The following SPTB variants were observed in gnomAD, a reference collection of about 807,000 sequenced individuals.
SPTB encodes spectrin beta chain, erythrocytic.
Under a neutral mutation model 256.2 loss-of-function variants are expected in SPTB, and 45 were observed. The observed-to-expected ratio is 0.18, with a 90% CI of 0.14 to 0.23. SPTB has a LOEUF of 0.23. SPTB is among the 10% of genes least tolerant of loss of function. The pLI is 1.00. For synonymous variants in SPTB, 1,231 were observed against 1,243.1 expected, an observed-to-expected ratio of 0.99 and a Z score of 0.21; for missense variants, 2,715 against 3,040.4, an observed-to-expected ratio of 0.89 and a Z score of 2.52.
rs971692339 is a variant in SPTB at position 64,847,592 on chromosome 14, C to T, written c.-51-24447G>A. Among the ~76,000 whole-genome samples the T allele has an allele frequency of 6.6e-6, 1 of 152,172 alleles. No individual in the cohort carries two copies. On this transcript the variant is annotated intron_variant, in intron 1 of 35. Transcript: ENST00000644917. This position sits in a 1 kb window ranked among gnomAD's most constrained non-coding sequence, Gnocchi z 5.9. ...CCAGGGCCTGGGAGCAACCACCACA[C>T]TCCTAAGCCAGAACAGTGAGCAGGA...
intron 6 of SPTB, 124 bp downstream of exon 6, chr14:64,801,630 G>T: frequency 9.3e-7 from 1 of 1,079,116 alleles, no homozygotes; most frequent in Non-Finnish European, 1.4e-6. Flanking sequence ...ATGGGCTGCT[G>T]AAGGGGAGAG....
At chr14:64,804,614 G>A (rs1411828264) in intron 3 of SPTB, among the ~76,000 whole-genome samples, 1 of 152,202 alleles carries the variant, frequency 6.6e-6, no homozygotes, top group Non-Finnish European at 1.5e-5. Context: ...GGTTCCAAGA[G>A]GGATGCATCT....
chr14:64,762,794 G>T (rs1487101827), intron 32 of SPTB, among the ~76,000 whole-genome samples: 3 of 152,248 alleles, frequency 2.0e-5, no homozygotes, highest in Non-Finnish European at 4.4e-5. Flanking sequence ...CCCAGCAGCT[G>T]CTTTCTGGAG....
In SPTB at chr14:64,847,866, C is replaced by T. The variant is rs893244493; in HGVS notation, c.-51-24721G>A. On this transcript the variant is annotated intron_variant, in intron 1 of 35. Coordinates refer to ENST00000644917, the MANE Select transcript of SPTB (RefSeq NM_001355436.2). This position sits in a 1 kb window ranked among gnomAD's most constrained non-coding sequence, Gnocchi z 5.9. ...TGTGCCCCCCACCGCAAACCCCATC[C>T]GGAGTGAGACAAAGGGAGGCACTCC... Among the ~76,000 whole-genome samples, 4 of 152,168 alleles carry T rather than the reference C, an allele frequency of 2.6e-5. No homozygotes were observed. Among genetic ancestry groups the T allele is most frequent in the African/African-American group, 7.2e-5 (3 of 41,438 alleles).
chr14:64,831,710 T>C (rs966386185), intron 1 of SPTB, among the ~76,000 whole-genome samples: 8 of 152,332 alleles, frequency 5.3e-5, no homozygotes, highest in East Asian at 1.9e-4. Context: ...GAGGCATTGA[T>C]TGTGGTGGCG....
chr14:64,785,428 CCCA>C lies in SPTB; in HGVS notation c.3855+106_3855+108del, dbSNP rs1447172347. 6.1e-6 allele frequency: 6 copies of C among 984,904 alleles called. No individual in the cohort carries two copies. In the East Asian group the frequency reaches 1.6e-4, roughly 26 times the overall value. 61.0% of individuals were successfully genotyped at this position (984,904 alleles called of 1,614,324 possible). On this transcript the variant is annotated intron_variant, in intron 18 of 35. Coordinates refer to ENST00000644917, the MANE Select transcript of SPTB (RefSeq NM_001355436.2). This position sits in a 1 kb window ranked among gnomAD's most constrained non-coding sequence, Gnocchi z 4.4. ...ACCCAGAGGTCCCCGCTCATGGAAT[CCCA>C]CAGCTCTTGAGCTAGAAAGGATCCC...
chr14:64,830,881 A>G (rs982287707), intron 1 of SPTB, among the ~76,000 whole-genome samples: 5 of 152,166 alleles, frequency 3.3e-5, no homozygotes, highest in African/African-American at 9.7e-5. Flanking sequence ...ATGTGCCTTG[A>G]CAACTTTATT....
At position 64,793,677 on chromosome 14, in the gene SPTB, GGAA is replaced by G. The variant is rs1423045762; in HGVS notation, c.1983_1985del (p.Ser662del). 3 of 1,614,018 alleles carry G rather than the reference GGAA, an allele frequency of 1.9e-6. No homozygotes were observed. The highest frequency in any genetic ancestry group is 2.7e-5 in the African/African-American group (2 of 74,914). On this transcript the variant is annotated inframe_deletion, in exon 14 of 36. Coordinates refer to ENST00000644917, the MANE Select transcript of SPTB (RefSeq NM_001355436.2). This position sits in a 1 kb window ranked among gnomAD's most constrained non-coding sequence, Gnocchi z 7.0. ...TGGTCAGGTCTTTGCCATAGTCCAGGGAAGAATAGATCTGCTCCTTCTCCTTGA... is the reference window on the plus strand; with the variant it reads ...TGGTCAGGTCTTTGCCATAGTCCAGGGAATAGATCTGCTCCTTCTCCTTGA...
intron 1 of SPTB, among the ~76,000 whole-genome samples, chr14:64,831,682 T>C (rs1206862919): frequency 6.6e-6 from 1 of 152,136 alleles, no homozygotes; most frequent in Non-Finnish European, 1.5e-5. Flanking sequence ...GAAGGGGACA[T>C]ATGCAAGAAT....
chr14:64,785,715 C>G lies in SPTB; in HGVS notation c.3764+34G>C. 1 of 1,613,740 alleles carries G rather than the reference C, an allele frequency of 6.2e-7. No homozygotes were observed. Among genetic ancestry groups the G allele is most frequent in the South Asian group, 1.1e-5 (1 of 91,072 alleles). On this transcript the variant is annotated intron_variant, in intron 17 of 35. Transcript: ENST00000644917. This position sits in a 1 kb window ranked among gnomAD's most constrained non-coding sequence, Gnocchi z 4.4. ...GGGTCCTCACTACCCCCGTGTGGCT[C>G]TGGGGGCCTCGTGGCCCTGGGGCCC...
At position 64,747,071 on chromosome 14, in the gene SPTB, G is replaced by T. The variant is rs45628133; in HGVS notation, c.*2235C>A. Reference sequence around the variant, plus strand: ...ACAGAATGGTCACATGCAGCTGGCTGCCCTGGACCAGGCCAGGGGACCTGG... The same window carrying T: ...ACAGAATGGTCACATGCAGCTGGCTTCCCTGGACCAGGCCAGGGGACCTGG... On this transcript the variant is annotated 3_prime_UTR_variant, in exon 36 of 36. Coordinates refer to ENST00000644917, the MANE Select transcript of SPTB (RefSeq NM_001355436.2). 13,589 of 152,668 alleles carry T rather than the reference G, an allele frequency of 0.089. 661 individuals carry two copies. The highest frequency in any genetic ancestry group is 0.19 in the East Asian group (1,001 of 5,156). The allele number at this position is 152,668 out of a possible 1,614,324, so 9.5% of individuals were successfully genotyped here.
In SPTB at chr14:64,823,479, G is replaced by A. The variant is rs570269404; in HGVS notation, c.-51-334C>T. On this transcript the variant is annotated intron_variant, in intron 1 of 35. Transcript: ENST00000644917. The surrounding 1 kb of genome is among the most constrained non-coding windows in gnomAD (Gnocchi z 6.5). ...CGGGGAGCACCCCGGGAGAGAGGAA[G>A]CTCTCCTGGGAGCCAGAGGCAGCAG... 6.6e-6 allele frequency among the ~76,000 whole-genome samples: 1 copy of A among 152,300 alleles called. No individual in the cohort carries two copies. The highest frequency in any genetic ancestry group is 1.5e-5 in the Non-Finnish European group (1 of 68,036).
In SPTB at chr14:64,748,023, G is replaced by C. The variant is rs894404370; in HGVS notation, c.*1283C>G. On this transcript the variant is annotated 3_prime_UTR_variant, in exon 36 of 36. Transcript: ENST00000644917. ...CAGGGCTGGAGGGTGGTAGATATTT[G>C]ACCTCTGTACTCATGTGACCCCCTC... 1 of 152,120 alleles carries C rather than the reference G, an allele frequency of 6.6e-6. No homozygotes were observed. The highest frequency in any genetic ancestry group is 2.4e-5 in the African/African-American group (1 of 41,370). 9.4% of individuals were successfully genotyped at this position (152,120 alleles called of 1,614,324 possible). A position where few individuals can be genotyped will look rare whatever the true frequency, so the allele number is the denominator to read the frequency against.
At position 64,765,025 on chromosome 14, in the gene SPTB, C is replaced by CGTGTGTGTGTGTGTGTGTGTGT. The variant is rs565885364; in HGVS notation, c.6345+1700_6345+1701insACACACACACACACACACACAC. 3.1e-3 allele frequency among the ~76,000 whole-genome samples: 368 copies of CGTGTGTGTGTGTGTGTGTGTGT among 118,310 alleles called. 1 individual carries two copies. Among genetic ancestry groups the CGTGTGTGTGTGTGTGTGTGTGT allele is most frequent in the Admixed American group, 4.3e-3 (44 of 10,144 alleles). 77.6% of individuals were successfully genotyped at this position (118,310 alleles called of 152,430 possible). On this transcript the variant is annotated intron_variant, in intron 32 of 35. Transcript: ENST00000644917. The stretch of plus-strand genomic sequence containing the variant: ...GCTGGAGGCCACAGAGGAGTGTGTG[C>CGTGTGTGTGTGTGTGTGTGTGT]GTGTGTGTGTGTGTGTGCGCGCGCG...
intron 1 of SPTB, among the ~76,000 whole-genome samples, chr14:64,840,796 G>A (rs2083593722): frequency 6.6e-6 from 1 of 152,200 alleles, no homozygotes. Context: ...ATAGAGCAGA[G>A]TCCTCAAGGG....
At chr14:64,836,792 T>C (rs1383897107) in intron 1 of SPTB, among the ~76,000 whole-genome samples, 1 of 152,220 alleles carries the variant, frequency 6.6e-6, no homozygotes, top group Non-Finnish European at 1.5e-5. Context: ...AATTAGTACA[T>C]GTTAATTGGA....
At position 64,796,140 on chromosome 14, in the gene SPTB, G is replaced by C. The variant is rs1020205596; in HGVS notation, c.1341+417C>G. The stretch of plus-strand genomic sequence containing the variant: ...TTAAGTGAGAGGGAACAGATGCTCT[G>C]ATGAAGAATCAGCCCTGGGGTCAAT... On this transcript the variant is annotated intron_variant, in intron 11 of 35. Coordinates refer to ENST00000644917, the MANE Select transcript of SPTB (RefSeq NM_001355436.2). This position sits in a 1 kb window ranked among gnomAD's most constrained non-coding sequence, Gnocchi z 4.1. Among the ~76,000 whole-genome samples the C allele has an allele frequency of 6.6e-6, 1 of 152,228 alleles. No homozygotes were observed.
chr14:64,765,621 T>C (rs1403370746), intron 32 of SPTB, among the ~76,000 whole-genome samples: 1 of 152,240 alleles, frequency 6.6e-6, no homozygotes, highest in Non-Finnish European at 1.5e-5. Context: ...CCTTCAAGTC[T>C]GTTCTTGCCC....
rs1027966609 is a variant in SPTB, at chr14:64,769,035, C to T, written c.6021G>A (p.Met2007Ile). The change falls in exon 29 of 36, where the codon ATG becomes ATA. Residue 2007 changes from methionine to isoleucine, a missense_variant and splice_region_variant. Transcript: ENST00000644917. Reference sequence around the variant, plus strand: ...CCCTGGCTCCAGGGCTGTACTCACACATGCGGAGCCGCTCCCAGCGGGCTT... The same window carrying T: ...CCCTGGCTCCAGGGCTGTACTCACATATGCGGAGCCGCTCCCAGCGGGCTT... ...KWEARWERLR[M>I]LLEVCQFSRD... 1 of 1,612,628 alleles carries T rather than the reference C, an allele frequency of 6.2e-7. No homozygotes were observed. Among genetic ancestry groups the T allele is most frequent in the Non-Finnish European group, 8.5e-7 (1 of 1,179,724 alleles).
Sources: gnomAD v4.1 joint callset for allele counts (sites outside exome capture counted in the v4.1 genomes callset) on GRCh38, gnomAD v4.1.1 for gene constraint, Gnocchi (gnomAD v3.1) non-coding constraint, MANE v1.5 for transcripts, NCBI Gene and HGNC (gene_info 2026-07-23, HGNC 2026-07-21) for gene names.